Variants in LRIG2 observed in about 807,000 individuals in gnomAD.
The protein encoded by LRIG2 is leucine rich repeats and immunoglobulin like domains 2, also known as leucine-rich repeats and immunoglobulin-like domains protein 2.
In LRIG2, 93 loss-of-function variants were observed where a neutral mutation model predicts 107.8. That is an observed-to-expected ratio of 0.86 (90% CI 0.73 to 1.03). The LOEUF (loss-of-function observed/expected upper bound fraction) is 1.03. Ranked by LOEUF, LRIG2 falls within the 50% of genes least tolerant of loss-of-function variation. LRIG2 has a pLI of 0.00. For synonymous variants in LRIG2, 471 were observed against 470.6 expected (o/e 1.00, Z -0.01); for missense variants, 1,226 against 1,296.0 (o/e 0.95, Z 0.83).
In LRIG2 at chr1:113,128,690, C is replaced by T. The variant is rs1457557511; in HGVS notation, c.*4589C>T. On this transcript the variant is annotated 3_prime_UTR_variant, in exon 18 of 18. Coordinates refer to ENST00000361127, the MANE Select transcript of LRIG2 (RefSeq NM_014813.3). ...TACTCATTAGGAGAAAAAAATTCTG[C>T]TTCTAAACAGTATTAGTAAACAAAG... is the stretch of plus-strand genomic sequence containing the variant. 1 of 152,120 alleles carries T rather than the reference C, an allele frequency of 6.6e-6. No homozygotes were observed. Among genetic ancestry groups the T allele is most frequent in the Non-Finnish European group, 1.5e-5 (1 of 68,038 alleles). The allele number at this position is 152,120 out of a possible 1,614,324, so 9.4% of individuals were successfully genotyped here.
chr1:113,110,678 T>G, intron 13 of LRIG2, 116 bp downstream of exon 13: 2 of 779,136 alleles, frequency 2.6e-6, no homozygotes, highest in Non-Finnish European at 2.0e-6. Flanking sequence ...CTTACTGTTA[T>G]TGTCTTTTGA....
chr1:113,108,818 G>T (rs749589644), intron 12 of LRIG2, among the ~76,000 whole-genome samples: 1 of 152,094 alleles, frequency 6.6e-6, no homozygotes, highest in Non-Finnish European at 1.5e-5. Context: ...GGAGGTTGCA[G>T]TGAGGCAAGA....
intron 1 of LRIG2, among the ~76,000 whole-genome samples, chr1:113,075,726 G>A (rs1434212793): frequency 2.2e-5 from 3 of 136,676 alleles, no homozygotes; most frequent in Non-Finnish European, 4.6e-5. Context: ...ATGGAGTCGC[G>A]CTCTTGTTGC....
chr1:113,084,101 A>G lies in LRIG2; in HGVS notation c.240-7217A>G, dbSNP rs972107228. On this transcript the variant is annotated intron_variant, in intron 1 of 17. Coordinates refer to ENST00000361127, the MANE Select transcript of LRIG2 (RefSeq NM_014813.3). The stretch of plus-strand genomic sequence containing the variant: ...GGTCTGGGGTGGGACTTAACTATCA[A>G]TATTAATCTTCCCTAGTGAGGCTAA... 1.1e-4 allele frequency among the ~76,000 whole-genome samples: 17 copies of G among 150,376 alleles called. No individual in the cohort carries two copies. The Admixed American group carries it at 1.1e-3, about 10-fold the overall frequency.
At chr1:113,115,638 C>T (rs1379434889) in intron 15 of LRIG2, among the ~76,000 whole-genome samples, 2 of 151,728 alleles carry the variant, frequency 1.3e-5, no homozygotes, top group East Asian at 3.9e-4. Flanking sequence ...AGCGATTCTC[C>T]TGACTCAGCC....
intron 11 of LRIG2, among the ~76,000 whole-genome samples, chr1:113,104,415 T>C (rs1052390947): frequency 6.6e-6 from 1 of 152,136 alleles, no homozygotes; most frequent in Non-Finnish European, 1.5e-5. Context: ...CAATTGGAAA[T>C]AGCCTAAGTA....
intron 1 of LRIG2, among the ~76,000 whole-genome samples, chr1:113,077,480 C>T (rs12075714): frequency 0.016 from 2,440 of 152,254 alleles, 77 homozygotes; most frequent in African/African-American, 0.055. Flanking sequence ...TATTGGGAAC[C>T]AGTGCTGTAC....
At chr1:113,087,792 AG>A (rs1653626179) in intron 1 of LRIG2, among the ~76,000 whole-genome samples, 1 of 152,248 alleles carries the variant, frequency 6.6e-6, no homozygotes, top group Non-Finnish European at 1.5e-5. Context: ...GAGTGAAATT[AG>A]GCGTAAAAGC....
chr1:113,116,522 G>A, intron 16 of LRIG2, 86 bp downstream of exon 16: 1 of 1,308,186 alleles, frequency 7.6e-7, no homozygotes, highest in African/African-American at 1.5e-5. Context: ...TTAATCTGAA[G>A]CAATATTTTA....
chr1:113,114,294 T>C (rs1156405653), intron 14 of LRIG2, 133 bp from the exon 15 acceptor site: 12 of 583,616 alleles, frequency 2.1e-5, no homozygotes, highest in Non-Finnish European at 3.5e-5. Flanking sequence ...TTCTGAAACA[T>C]TAACTTCTAA....
chr1:113,094,223 G>A (rs1172804075), intron 4 of LRIG2, 116 bp from the exon 5 acceptor site: 3 of 619,894 alleles, frequency 4.8e-6, no homozygotes, highest in Non-Finnish European at 8.2e-6. Flanking sequence ...ATAAAGTTGT[G>A]GATGGGCATT....
chr1:113,099,230 T>A (rs1264040297), intron 9 of LRIG2, among the ~76,000 whole-genome samples: 1 of 127,688 alleles, frequency 7.8e-6, no homozygotes, highest in East Asian at 2.3e-4. Context: ...CCACTGAACT[T>A]GGCTGGTTTT....
rs897899755 is a variant in LRIG2 at position 113,081,588 on chromosome 1, T to G, written c.239+7943T>G. ...TTGGCTGGAATGCAGTGGGGTGATT[T>G]CAGCTCAGTGCAGCCTCTGTCTCCT... On this transcript the variant is annotated intron_variant, in intron 1 of 17. Coordinates refer to ENST00000361127, the MANE Select transcript of LRIG2 (RefSeq NM_014813.3). 3.3e-5 allele frequency among the ~76,000 whole-genome samples: 5 copies of G among 152,172 alleles called. No homozygotes were observed. The South Asian group carries it at 1.0e-3, about 32-fold the overall frequency.
chr1:113,094,849 GATAC>G lies in LRIG2; in HGVS notation c.803+97_803+100del, dbSNP rs1382806902. On this transcript the variant is annotated intron_variant, in intron 6 of 17. Transcript: ENST00000361127. ...CTAGGGTAGTTGTTCTGATTATAGA[GATAC>G]ATTCATTCATTCCCTGGTCACTGAT... 27 of 1,213,324 alleles carry G rather than the reference GATAC, an allele frequency of 2.2e-5. No individual in the cohort carries two copies. In the South Asian group the frequency reaches 2.5e-4, roughly 11 times the overall value. 75.2% of individuals were successfully genotyped at this position (1,213,324 alleles called of 1,614,324 possible).
intron 9 of LRIG2, among the ~76,000 whole-genome samples, chr1:113,099,500 A>G (rs1158008614): frequency 6.6e-6 from 1 of 151,648 alleles, no homozygotes; most frequent in Non-Finnish European, 1.5e-5. Context: ...TTGGCCTCCC[A>G]AAGTGCTGGG....
At chr1:113,087,668 GTCT>G (rs1195867900) in intron 1 of LRIG2, among the ~76,000 whole-genome samples, 4 of 152,126 alleles carry the variant, frequency 2.6e-5, no homozygotes, top group Non-Finnish European at 5.9e-5. Flanking sequence ...TCATATTTTA[GTCT>G]TCTGTCTTTT....
intron 1 of LRIG2, among the ~76,000 whole-genome samples, chr1:113,080,999 C>T (rs1010648102): frequency 6.6e-6 from 1 of 151,564 alleles, no homozygotes. Flanking sequence ...ATGCACCACA[C>T]GCCTGGCTAA....
rs1655589650 is a variant in LRIG2 at position 113,128,888 on chromosome 1, T to C, written c.*4787T>C. The C allele has an allele frequency of 6.6e-6, 1 of 152,192 alleles. No homozygotes were observed. Among genetic ancestry groups the C allele is most frequent in the African/African-American group, 2.4e-5 (1 of 41,444 alleles). The allele number at this position is 152,192 out of a possible 1,614,324, so 9.4% of individuals were successfully genotyped here. ...TTCGAAGTTATCCCTATAATTATAT[T>C]ACTCTCGCTCAAATTCTGATAGATT... On this transcript the variant is annotated 3_prime_UTR_variant, in exon 18 of 18. Coordinates refer to ENST00000361127, the MANE Select transcript of LRIG2 (RefSeq NM_014813.3).
At chr1:113,074,955 C>G (rs1040065092) in intron 1 of LRIG2, among the ~76,000 whole-genome samples, 8 of 148,374 alleles carry the variant, frequency 5.4e-5, no homozygotes, top group African/African-American at 2.0e-4. Context: ...CGGTGGCTCA[C>G]GCTTGTAATC....
Sources: allele counts gnomAD v4.1 joint callset (sites outside exome capture counted in the v4.1 genomes callset), GRCh38; gene constraint gnomAD v4.1.1; transcripts MANE v1.5; gene names NCBI Gene and HGNC (gene_info 2026-07-23, HGNC 2026-07-21).